Variants in RMDN1 observed in about 807,000 individuals in gnomAD.
The protein encoded by RMDN1 is regulator of microtubule dynamics 1.
A neutral mutation model predicts 48.9 loss-of-function variants in RMDN1; 48 were observed. That is an observed-to-expected ratio of 0.98 (90% confidence interval 0.78 to 1.25). RMDN1 has a LOEUF of 1.25. Among genes scored for constraint, RMDN1 ranks in the 50% most tolerant of loss-of-function variants. The pLI is 0.00. For missense variants in RMDN1, 418 were observed against 373.4 expected (o/e 1.12, Z -0.98); for synonymous variants, 148 against 132.6 (o/e 1.12, Z -0.80).
chr8:86,477,194 T>A (rs557812943), intron 8 of RMDN1, 100 bp downstream of exon 8: 41 of 806,076 alleles, frequency 5.1e-5, no homozygotes, highest in Non-Finnish European at 6.9e-5. Context: ...AAAATAAGTA[T>A]AACAGAATAA....
chr8:86,502,883 A>C (rs1352643013), intron 2 of RMDN1, among the ~76,000 whole-genome samples: 1 of 152,174 alleles, frequency 6.6e-6, no homozygotes, highest in Non-Finnish European at 1.5e-5. Context: ...TAAAAATGTA[A>C]AAGAATATTC....
At chr8:86,498,716 G>A (rs1453162595) in intron 2 of RMDN1, among the ~76,000 whole-genome samples, 2 of 152,188 alleles carry the variant, frequency 1.3e-5, no homozygotes, top group East Asian at 1.9e-4. Flanking sequence ...GGGAGGCGGA[G>A]GTTGCAGTGA....
chr8:86,481,560 CTT>C (rs71275857), intron 5 of RMDN1, among the ~76,000 whole-genome samples: 6,365 of 104,504 alleles, frequency 0.061, 86 homozygotes, highest in Non-Finnish European at 0.086. Context: ...ATTAATTTTC[CTT>C]TTTTTTTTTT....
At chr8:86,482,955 G>T in intron 5 of RMDN1, 1 of 762,522 alleles carries the variant, frequency 1.3e-6, no homozygotes. Flanking sequence ...CGAGGTCCCC[G>T]GCGGACTGTG....
Position 86,474,884 on chromosome 8 carries a change from T to G in RMDN1, c.830A>C (p.Lys277Thr). The G allele has an allele frequency of 6.2e-7, 1 of 1,613,460 alleles. No homozygotes were observed. The highest frequency in any genetic ancestry group is 8.5e-7 in the Non-Finnish European group (1 of 1,179,734). Residue 277 changes from lysine to threonine, a missense_variant, in exon 9 of 10, where the codon AAG (lysine) becomes ACG (threonine). Transcript: ENST00000406452. ...GKTYLKLHNK[K>T]LAAFWLMKAK... ...TTTCATTAGCCAGAAAGCAGCAAGC[T>G]TTTTGTTGTGTAGTTTCAAGTATGT...
intron 5 of RMDN1, chr8:86,481,904 TG>T: frequency 1.3e-6 from 1 of 778,828 alleles, no homozygotes; most frequent in South Asian, 1.8e-5. Flanking sequence ...CAAAGTGGGG[TG>T]GCTCGGCCAG....
At chr8:86,493,004 T>TA (rs571031080) in intron 2 of RMDN1, among the ~76,000 whole-genome samples, 1,675 of 141,652 alleles carry the variant, frequency 0.012, 30 homozygotes, top group African/African-American at 0.035. Flanking sequence ...ATCAATTCCT[T>TA]AAAAAAAAAA....
intron 2 of RMDN1, among the ~76,000 whole-genome samples, chr8:86,495,167 G>A (rs1359289709): frequency 6.6e-6 from 1 of 152,084 alleles, no homozygotes; most frequent in African/African-American, 2.4e-5. Context: ...AGTGGATATG[G>A]GGAGGACACA....
In RMDN1 at chr8:86,504,231, A is replaced by G. The variant is rs972382750; in HGVS notation, c.247+2764T>C. ...GTCCCAGGTTTTTGCTCATTAACAG[A>G]AAAGAAGAGGAGAATGCTAAGTAGA... On this transcript the variant is annotated intron_variant, in intron 2 of 9. Transcript: ENST00000406452. 5 of 1,562,378 alleles carry G rather than the reference A, an allele frequency of 3.2e-6. No homozygotes were observed. In the African/African-American group the frequency reaches 5.4e-5, roughly 17 times the overall value.
chr8:86,500,273 A>G (rs567570809), intron 2 of RMDN1, among the ~76,000 whole-genome samples: 49 of 152,196 alleles, frequency 3.2e-4, no homozygotes, highest in Non-Finnish European at 6.8e-4. Flanking sequence ...AACATTTGCA[A>G]ACTATGCATC....
At chr8:86,482,924 C>A in intron 5 of RMDN1, 2 of 881,726 alleles carry the variant, frequency 2.3e-6, no homozygotes, top group Non-Finnish European at 3.9e-6. Flanking sequence ...GCTGTTTCCT[C>A]CAGAGGCAGG....
At position 86,480,415 on chromosome 8, in the gene RMDN1, A is replaced by AT. The variant is rs897512638; in HGVS notation, c.586-84dup. The AT allele has an allele frequency of 2.1e-5, 15 of 726,604 alleles. No individual in the cohort carries two copies. The African/African-American group carries it at 2.7e-4, about 13-fold the overall frequency. 45.0% of individuals were successfully genotyped at this position (726,604 alleles called of 1,614,324 possible). A position where few individuals can be genotyped will look rare whatever the true frequency, so the allele number is the denominator to read the frequency against. On this transcript the variant is annotated intron_variant, in intron 5 of 9. Coordinates refer to ENST00000406452, the MANE Select transcript of RMDN1 (RefSeq NM_016033.3). ...TACTGTGTTTGCTGAAGAAGCCATG[A>AT]TTTTTTAAAAAATGCAACTGTGTGT...
intron 2 of RMDN1, among the ~76,000 whole-genome samples, chr8:86,497,768 T>A (rs1325754133): frequency 7.1e-6 from 1 of 141,774 alleles, no homozygotes; most frequent in Non-Finnish European, 1.5e-5. Flanking sequence ...ATAATCAGAA[T>A]GACAATGGGA....
At chr8:86,488,524 A>C (rs1443183230) in intron 3 of RMDN1, 28 bp downstream of exon 3, 1 of 1,415,732 alleles carries the variant, frequency 7.1e-7, no homozygotes, top group Non-Finnish European at 9.5e-7. Context: ...AGGAAACCAC[A>C]AGCCTAGGCC....
chr8:86,474,329 T>G lies in RMDN1; in HGVS notation c.924A>C (p.Thr308=), dbSNP rs1199199538. ...GTTCTCAATTCTTCTCACTGAAACT[T>G]GTAAGCAACTGAGCAGCTTCTGTCT... ...QIQTEAAQLL[T]SFSEKN is the part of the protein sequence containing the mutation. Residue 308 remains threonine, a synonymous_variant, in exon 10 of 10, where the codon ACA becomes ACC. Coordinates refer to ENST00000406452, the MANE Select transcript of RMDN1 (RefSeq NM_016033.3). 1 of 1,613,684 alleles carries G rather than the reference T, an allele frequency of 6.2e-7. No individual in the cohort carries two copies. The highest frequency in any genetic ancestry group is 2.2e-5 in the East Asian group (1 of 44,810).
chr8:86,475,473 T>G (rs1397694082), intron 8 of RMDN1, among the ~76,000 whole-genome samples: 1 of 151,890 alleles, frequency 6.6e-6, no homozygotes, highest in African/African-American at 2.4e-5. Context: ...TTTTCAACTT[T>G]ATAATGAAGA....
downstream of RMDN1, chr8:86,468,348 GA>G: frequency 2.2e-6 from 1 of 449,034 alleles, no homozygotes; most frequent in South Asian, 1.6e-5. Context: ...AAAGACGAAA[GA>G]AAGGCAGAGA....
chr8:86,482,080 G>C (rs897757023), intron 5 of RMDN1: 1 of 617,738 alleles, frequency 1.6e-6, no homozygotes, highest in African/African-American at 1.9e-5. Flanking sequence ...GCGGCACGCA[G>C]CTGCTCCTCT....
intron 1 of RMDN1, among the ~76,000 whole-genome samples, chr8:86,513,960 C>T (rs1314521583): frequency 6.6e-6 from 1 of 151,816 alleles, no homozygotes; most frequent in Admixed American, 6.6e-5. Flanking sequence ...CTGCCTCAGC[C>T]TCCTGTGTAG....
Sources: gnomAD v4.1 joint callset for allele counts (sites outside exome capture counted in the v4.1 genomes callset) on GRCh38, gnomAD v4.1.1 for gene constraint, MANE v1.5 for transcripts, NCBI Gene and HGNC (gene_info 2026-07-23, HGNC 2026-07-21) for gene names.